The following PIGU variants were observed in gnomAD, a reference collection of about 807,000 sequenced individuals.
PIGU encodes phosphatidylinositol glycan anchor biosynthesis class U, also known as GPI-anchor transamidase component PIGU.
In PIGU, 24 loss-of-function variants were observed where a neutral mutation model predicts 49.9. The observed-to-expected ratio is 0.48, with a 90% CI of 0.35 to 0.68. The LOEUF (loss-of-function observed/expected upper bound fraction) is 0.68. Among genes scored for constraint, PIGU ranks in the 30% least tolerant of loss-of-function variants. The pLI is 0.01. For missense variants in PIGU, 490 were observed against 532.6 expected, an observed-to-expected ratio of 0.92 and a Z score of 0.79; for synonymous variants, 220 against 205.7, an observed-to-expected ratio of 1.07 and a Z score of -0.59.
At chr20:34,568,790 G>T (rs1203517813) in intron 11 of PIGU, among the ~76,000 whole-genome samples, 1 of 152,204 alleles carries the variant, frequency 6.6e-6, no homozygotes, top group East Asian at 1.9e-4. Context: ...AAGGAGAATG[G>T]CCAATGCAAG....
rs1294654844 is a variant in PIGU at position 34,586,482 on chromosome 20, G to C, written c.783-902C>G. ...GGCAGAGCATGAAGAGCTGAAGTTA[G>C]CAAGTCATTGTTATGCTCAGCCAGG... On this transcript the variant is annotated intron_variant, in intron 8 of 11. Transcript: ENST00000217446. Among the ~76,000 whole-genome samples, 4 of 152,196 alleles carry C rather than the reference G, an allele frequency of 2.6e-5. No individual in the cohort carries two copies. The East Asian group carries it at 7.7e-4, about 29-fold the overall frequency.
chr20:34,652,011 G>A (rs1414220682), intron 2 of PIGU, among the ~76,000 whole-genome samples: 3 of 151,974 alleles, frequency 2.0e-5, no homozygotes, highest in Non-Finnish European at 4.4e-5. Flanking sequence ...TTTTATTTTC[G>A]TTTTTTGAGT....
At chr20:34,608,456 ATGAGC>A (rs1984697111) in intron 7 of PIGU, among the ~76,000 whole-genome samples, 1 of 152,200 alleles carries the variant, frequency 6.6e-6, no homozygotes, top group Non-Finnish European at 1.5e-5. Flanking sequence ...TTTGGGTGGT[ATGAGC>A]CCCTTTCAGC....
At position 34,560,777 on chromosome 20, in the gene PIGU, T is replaced by C; in HGVS notation, c.*89A>G. On this transcript the variant is annotated 3_prime_UTR_variant, in exon 12 of 12. Transcript: ENST00000217446. The stretch of plus-strand genomic sequence containing the variant: ...ACTCGAACCTCTTCTGCCCAAGCAC[T>C]CGCCTGCTGGCAACTCTGGCTGGAG... 1.0e-6 allele frequency: 1 copy of C among 996,440 alleles called. No homozygotes were observed. The highest frequency in any genetic ancestry group is 1.4e-6 in the Non-Finnish European group (1 of 703,444). 61.7% of individuals were successfully genotyped at this position (996,440 alleles called of 1,614,324 possible).
chr20:34,603,861 GAC>G (rs142929319), intron 7 of PIGU, among the ~76,000 whole-genome samples: 81 of 143,534 alleles, frequency 5.6e-4, no homozygotes, highest in East Asian at 2.1e-3. Flanking sequence ...TTAGTGGACA[GAC>G]ACACACACAC....
chr20:34,670,821 G>A (rs937627734), intron 1 of PIGU, among the ~76,000 whole-genome samples: 1 of 152,206 alleles, frequency 6.6e-6, no homozygotes, highest in Non-Finnish European at 1.5e-5. Context: ...TGGGATTACA[G>A]GCTTGAGCCA....
At chr20:34,571,619 A>G (rs757440340) in intron 11 of PIGU, among the ~76,000 whole-genome samples, 1 of 151,966 alleles carries the variant, frequency 6.6e-6, no homozygotes, top group Admixed American at 6.6e-5. Flanking sequence ...CATGTCCCCA[A>G]ATCCCGTACG....
chr20:34,640,222 C>T (rs1986106931), intron 4 of PIGU, among the ~76,000 whole-genome samples: 1 of 152,102 alleles, frequency 6.6e-6, no homozygotes, highest in African/African-American at 2.4e-5. Flanking sequence ...TTCCTTATAA[C>T]CACAATCTTC....
chr20:34,595,114 A>AAG (rs1555797332), intron 7 of PIGU, among the ~76,000 whole-genome samples: 13 of 149,170 alleles, frequency 8.7e-5, no homozygotes, highest in Admixed American at 4.7e-4. Flanking sequence ...AAAAAAAAAA[A>AAG]AAAAGAAAAG....
At chr20:34,638,785 G>A (rs531872698) in intron 4 of PIGU, among the ~76,000 whole-genome samples, 10 of 152,278 alleles carry the variant, frequency 6.6e-5, no homozygotes, top group South Asian at 4.1e-4. Flanking sequence ...CTTGCCTTCC[G>A]CTGGTGTGTC....
At chr20:34,673,718 T>C (rs1179832130) in intron 1 of PIGU, among the ~76,000 whole-genome samples, 1 of 152,224 alleles carries the variant, frequency 6.6e-6, no homozygotes, top group African/African-American at 2.4e-5. Context: ...TTGAACAGGA[T>C]ACATAATTTC....
intron 7 of PIGU, among the ~76,000 whole-genome samples, chr20:34,595,236 A>C (rs1984157158): frequency 6.6e-6 from 1 of 152,164 alleles, no homozygotes; most frequent in African/African-American, 2.4e-5. Flanking sequence ...TTCCACATCT[A>C]TGGATTCAAT....
chr20:34,622,218 C>A (rs1600636373), intron 6 of PIGU, among the ~76,000 whole-genome samples: 1 of 152,160 alleles, frequency 6.6e-6, no homozygotes, highest in Admixed American at 6.5e-5. Flanking sequence ...TGTCATACTT[C>A]AATAAAAAGT....
At chr20:34,571,854 G>A (rs972011609) in intron 11 of PIGU, among the ~76,000 whole-genome samples, 11 of 152,248 alleles carry the variant, frequency 7.2e-5, no homozygotes, top group African/African-American at 2.7e-4. Flanking sequence ...TCTTACCTCA[G>A]TCAGCGCTCT....
At chr20:34,614,157 T>C (rs1363419514) in intron 7 of PIGU, among the ~76,000 whole-genome samples, 5 of 151,598 alleles carry the variant, frequency 3.3e-5, no homozygotes, top group African/African-American at 1.2e-4. Flanking sequence ...ATTAGCTGGG[T>C]GTGGTGGTGC....
chr20:34,672,855 T>TTTA (rs772400912), intron 1 of PIGU, among the ~76,000 whole-genome samples: 2 of 95,302 alleles, frequency 2.1e-5, no homozygotes, highest in Non-Finnish European at 2.0e-5. Flanking sequence ...ACCCTGTCTC[T>TTTA]CAAAAAAAAA....
intron 7 of PIGU, among the ~76,000 whole-genome samples, chr20:34,600,594 GA>G (rs1984378952): frequency 6.6e-6 from 1 of 151,432 alleles, no homozygotes; most frequent in Non-Finnish European, 1.5e-5. Context: ...AAAAGAGGAA[GA>G]AAACAGCCCA....
chr20:34,566,920 C>CT (rs1026188824), intron 11 of PIGU, among the ~76,000 whole-genome samples: 10 of 152,176 alleles, frequency 6.6e-5, no homozygotes, highest in Admixed American at 2.0e-4. Context: ...GAGAGATTGA[C>CT]TTTTTTTGTA....
At position 34,580,771 on chromosome 20, in the gene PIGU, C is replaced by T. The variant is rs117842487; in HGVS notation, c.1051+777G>A. Among the ~76,000 whole-genome samples, 727 of 152,308 alleles carry T rather than the reference C, an allele frequency of 4.8e-3. 3 individuals carry two copies. Among genetic ancestry groups the T allele is most frequent in the Non-Finnish European group, 8.6e-3 (583 of 68,024 alleles). On this transcript the variant is annotated intron_variant, in intron 10 of 11. Transcript: ENST00000217446. ...GAATGAGTTGTGATATCTACCCTGA[C>T]GGAGCCCCCAAACAATGAAAAGAAC...
Sources: gnomAD v4.1 joint callset for allele counts (sites outside exome capture counted in the v4.1 genomes callset) on GRCh38, gnomAD v4.1.1 for gene constraint, MANE v1.5 for transcripts, NCBI Gene and HGNC (gene_info 2026-07-23, HGNC 2026-07-21) for gene names.